The following MYRIP variants were observed in gnomAD, a reference collection of about 807,000 sequenced individuals.
MYRIP encodes the protein myosin VIIA and Rab interacting protein, also known as rab effector MyRIP.
In MYRIP, 49 loss-of-function variants were observed where a neutral mutation model predicts 98.0. The observed-to-expected ratio is 0.50, with a 90% CI of 0.40 to 0.63. MYRIP has a LOEUF of 0.63. Among genes scored for constraint, MYRIP ranks in the 30% least tolerant of loss-of-function variants. The pLI is 0.00. For synonymous variants in MYRIP, 404 were observed against 409.5 expected (o/e 0.99, Z 0.16); for missense variants, 1,004 against 1,058.2 (o/e 0.95, Z 0.71).
At chr3:40,188,415 T>G (rs1951094006) in intron 9 of MYRIP, among the ~76,000 whole-genome samples, 1 of 151,766 alleles carries the variant, frequency 6.6e-6, no homozygotes, top group Non-Finnish European at 1.5e-5. Context: ...GGGAATGGTT[T>G]CTTCAAAGCC....
chr3:40,048,702 A>T lies in MYRIP; in HGVS notation c.332+4431A>T, dbSNP rs181502417. Reference sequence around the variant, plus strand: ...CAGTAAAAGCATTTTGAGAATTTTAAAGTTGTAATTGTAATCATTTGGTTC... The same window carrying T: ...CAGTAAAAGCATTTTGAGAATTTTATAGTTGTAATTGTAATCATTTGGTTC... On this transcript the variant is annotated intron_variant, in intron 3 of 16. Coordinates refer to ENST00000302541, the MANE Select transcript of MYRIP (RefSeq NM_015460.4). Among the ~76,000 whole-genome samples, 34 of 152,226 alleles carry T rather than the reference A, an allele frequency of 2.2e-4. No individual in the cohort carries two copies. The East Asian group carries it at 5.4e-3, about 24-fold the overall frequency.
At chr3:40,043,987 A>C in intron 2 of MYRIP, 63 bp from the exon 3 acceptor site, 4 of 1,500,190 alleles carry the variant, frequency 2.7e-6, no homozygotes, top group Non-Finnish European at 3.6e-6. Context: ...CTTTGGGGAG[A>C]CACCCCCTGA....
At chr3:40,045,442 G>C (rs934432049) in intron 3 of MYRIP, among the ~76,000 whole-genome samples, 2 of 152,152 alleles carry the variant, frequency 1.3e-5, no homozygotes, top group African/African-American at 2.4e-5. Flanking sequence ...AGCTTGAAAG[G>C]GGGAGGAAAA....
rs114831944 is a variant in MYRIP, at chr3:40,237,298, T to G, written c.2100+3245T>G. Among the ~76,000 whole-genome samples, 579 of 152,304 alleles carry G rather than the reference T, an allele frequency of 3.8e-3. 1 individual carries two copies. Among genetic ancestry groups the G allele is most frequent in the African/African-American group, 0.013 (553 of 41,574 alleles). Reference sequence around the variant, plus strand: ...TTTCTGTTCACTCATCCATCTCCCATTAGGCTGGCACTATTGACATTTGGA... The same window carrying G: ...TTTCTGTTCACTCATCCATCTCCCAGTAGGCTGGCACTATTGACATTTGGA... On this transcript the variant is annotated intron_variant, in intron 12 of 16. Transcript: ENST00000302541.
At chr3:40,096,367 A>G (rs1948835856) in intron 3 of MYRIP, among the ~76,000 whole-genome samples, 1 of 152,090 alleles carries the variant, frequency 6.6e-6, no homozygotes, top group South Asian at 2.1e-4. Flanking sequence ...TTCTCATTTG[A>G]AGTGCATCTC....
chr3:40,034,557 A>G lies in MYRIP; in HGVS notation c.111-9493A>G, dbSNP rs1473107408. Among the ~76,000 whole-genome samples the G allele has an allele frequency of 8.6e-5, 13 of 151,394 alleles. 1 individual carries two copies. In the East Asian group the frequency reaches 2.6e-3, roughly 30 times the overall value. The stretch of plus-strand genomic sequence containing the variant: ...CACACCAGTTAGAATGGCAATCATT[A>G]AAAAGTCTGGAAACAACAGGTGCTG... On this transcript the variant is annotated intron_variant, in intron 2 of 16. Transcript: ENST00000302541.
chr3:40,073,939 G>A (rs1203665488), intron 3 of MYRIP, among the ~76,000 whole-genome samples: 1 of 152,180 alleles, frequency 6.6e-6, no homozygotes, highest in East Asian at 1.9e-4. Flanking sequence ...CCAAAGAAGA[G>A]CATGACAATC....
rs1313289057 is a variant in MYRIP, at chr3:39,917,455, AT to A, written c.110+16530del. Among the ~76,000 whole-genome samples, 180 of 122,482 alleles carry A rather than the reference AT, an allele frequency of 1.5e-3. 1 individual carries two copies. The highest frequency in any genetic ancestry group is 5.7e-3 in the African/African-American group (175 of 30,552). 80.4% of individuals were successfully genotyped at this position (122,482 alleles called of 152,430 possible). ...TTCTTTGAAAGAAAATTTAAAAAAAATAAAAAAATAGGAAAATTAAAAAAAA... is the reference window on the plus strand; with the variant it reads ...TTCTTTGAAAGAAAATTTAAAAAAAAAAAAAAATAGGAAAATTAAAAAAAA... On this transcript the variant is annotated intron_variant, in intron 2 of 16. Coordinates refer to ENST00000302541, the MANE Select transcript of MYRIP (RefSeq NM_015460.4).
intron 1 of MYRIP, among the ~76,000 whole-genome samples, chr3:39,890,478 C>T (rs927038071): frequency 1.3e-5 from 2 of 151,892 alleles, no homozygotes; most frequent in Admixed American, 1.3e-4. Context: ...AGATCTTCTC[C>T]TGTTGTTTTA....
intron 2 of MYRIP, among the ~76,000 whole-genome samples, chr3:39,971,593 A>G (rs1338982284): frequency 6.6e-6 from 1 of 152,046 alleles, no homozygotes; most frequent in East Asian, 1.9e-4. Context: ...TGTACCTTCA[A>G]GGTCCTGGGA....
chr3:40,108,432 T>C (rs1949096563), intron 3 of MYRIP, among the ~76,000 whole-genome samples: 1 of 152,002 alleles, frequency 6.6e-6, no homozygotes, highest in Non-Finnish European at 1.5e-5. Flanking sequence ...CTCCACTTCT[T>C]GTATTGTGCA....
At chr3:40,084,253 T>C (rs944467463) in intron 3 of MYRIP, among the ~76,000 whole-genome samples, 4 of 126,726 alleles carry the variant, frequency 3.2e-5, no homozygotes, top group African/African-American at 1.2e-4. Flanking sequence ...AAATATATAA[T>C]ATATAAAATA....
intron 2 of MYRIP, among the ~76,000 whole-genome samples, chr3:39,904,840 C>A (rs116113176): frequency 0.012 from 1,877 of 152,178 alleles, 41 homozygotes; most frequent in African/African-American, 0.043. Context: ...ACTTTCTCAG[C>A]ACTGGGGATG....
intron 2 of MYRIP, among the ~76,000 whole-genome samples, chr3:39,965,716 A>G (rs918804103): frequency 6.6e-6 from 1 of 152,090 alleles, no homozygotes; most frequent in Non-Finnish European, 1.5e-5. Context: ...TATCTAGGAT[A>G]AGTCCTCTTA....
chr3:39,863,727 C>A (rs751257802), intron 1 of MYRIP, among the ~76,000 whole-genome samples: 1 of 152,004 alleles, frequency 6.6e-6, no homozygotes, highest in East Asian at 1.9e-4. Context: ...TGAATTCGAC[C>A]TGATGTAAAA....
At chr3:39,904,087 T>C (rs1007388122) in intron 2 of MYRIP, among the ~76,000 whole-genome samples, 6 of 152,240 alleles carry the variant, frequency 3.9e-5, no homozygotes, top group African/African-American at 1.4e-4. Flanking sequence ...TTTTTTAGTT[T>C]GTCATTTTAT....
intron 16 of MYRIP, among the ~76,000 whole-genome samples, chr3:40,253,641 A>T (rs1485548643): frequency 6.6e-6 from 1 of 152,196 alleles, no homozygotes; most frequent in Admixed American, 6.5e-5. Context: ...TAATTTGATC[A>T]ACGGAATAAG....
chr3:40,165,192 C>T (rs893029179), intron 5 of MYRIP, among the ~76,000 whole-genome samples: 1 of 152,212 alleles, frequency 6.6e-6, no homozygotes, highest in African/African-American at 2.4e-5. Flanking sequence ...ACTGTGCAAC[C>T]TGGTGGTGTG....
chr3:40,099,560 A>C (rs570495765), intron 3 of MYRIP, among the ~76,000 whole-genome samples: 9 of 152,312 alleles, frequency 5.9e-5, no homozygotes, highest in Admixed American at 5.2e-4. Context: ...TGGAGTCAAC[A>C]TGAATGGGGC....
Sources: allele counts gnomAD v4.1 joint callset (sites outside exome capture counted in the v4.1 genomes callset), GRCh38; gene constraint gnomAD v4.1.1; transcripts MANE v1.5; gene names NCBI Gene and HGNC (gene_info 2026-07-23, HGNC 2026-07-21).